Variants in MAGI1 observed in about 807,000 individuals in gnomAD.
The protein encoded by MAGI1 is membrane associated guanylate kinase, WW and PDZ domain containing 1.
A neutral mutation model predicts 139.9 loss-of-function variants in MAGI1; 58 were observed. That is an observed-to-expected ratio of 0.41 (90% CI 0.34 to 0.52). MAGI1 has a LOEUF of 0.52. Among genes scored for constraint, MAGI1 ranks in the 20% least tolerant of loss-of-function variants. The pLI is 0.12. For synonymous variants in MAGI1, 812 were observed against 737.9 expected (o/e 1.10, Z -1.63); for missense variants, 1,874 against 1,901.6 (o/e 0.99, Z 0.27).
intron 1 of MAGI1, among the ~76,000 whole-genome samples, chr3:65,936,374 A>C (rs540330703): frequency 1.1e-4 from 17 of 152,264 alleles, no homozygotes; most frequent in African/African-American, 4.1e-4. Context: ...GTAGTGGCTC[A>C]CGTCTATAAT....
At chr3:65,911,885 A>G (rs2061683849) in intron 1 of MAGI1, among the ~76,000 whole-genome samples, 1 of 152,124 alleles carries the variant, frequency 6.6e-6, no homozygotes, top group Non-Finnish European at 1.5e-5. Flanking sequence ...TCGTTACTGC[A>G]TTTCATTCCT....
chr3:65,402,631 T>C (rs1944999909), intron 12 of MAGI1, among the ~76,000 whole-genome samples: 1 of 152,116 alleles, frequency 6.6e-6, no homozygotes, highest in Admixed American at 6.5e-5. Context: ...AAGTGATTCC[T>C]AGGGAGTGTG....
chr3:65,680,034 TTC>T (rs146996108), intron 1 of MAGI1, among the ~76,000 whole-genome samples: 1 of 152,138 alleles, frequency 6.6e-6, no homozygotes, highest in African/African-American at 2.4e-5. Flanking sequence ...GAAAGATTAG[TTC>T]TCTCTCTCTT....
chr3:65,690,640 A>T (rs1481586868), intron 1 of MAGI1, among the ~76,000 whole-genome samples: 2 of 130,488 alleles, frequency 1.5e-5, no homozygotes, highest in South Asian at 2.5e-4. Flanking sequence ...TGTATTTTTA[A>T]TTTTTTTTTT....
intron 2 of MAGI1, among the ~76,000 whole-genome samples, chr3:65,611,261 A>T (rs1324172347): frequency 7.1e-6 from 1 of 141,794 alleles, no homozygotes. Flanking sequence ...ATACATATAT[A>T]GTATATATAC....
intron 1 of MAGI1, among the ~76,000 whole-genome samples, chr3:65,784,245 A>C (rs1418337992): frequency 6.6e-6 from 1 of 152,238 alleles, no homozygotes; most frequent in Non-Finnish European, 1.5e-5. Flanking sequence ...GTTCTTCAAA[A>C]AGCTAAACAT....
intron 5 of MAGI1, among the ~76,000 whole-genome samples, chr3:65,464,528 T>C (rs1016211243): frequency 8.6e-5 from 13 of 151,372 alleles, no homozygotes; most frequent in African/African-American, 3.2e-4. Flanking sequence ...GTATGTTGTT[T>C]AGTTTGCTTC....
chr3:65,640,486 C>G (rs1017613894), intron 1 of MAGI1, among the ~76,000 whole-genome samples: 1 of 152,148 alleles, frequency 6.6e-6, no homozygotes, highest in African/African-American at 2.4e-5. Context: ...CCTCAGGTGT[C>G]CTCCACCAAA....
At chr3:65,502,949 G>A (rs1559614256) in intron 2 of MAGI1, among the ~76,000 whole-genome samples, 2 of 152,088 alleles carry the variant, frequency 1.3e-5, no homozygotes, top group Admixed American at 6.6e-5. Context: ...GAGAGAGGGG[G>A]TAAAAATCCA....
At chr3:65,845,843 G>A (rs2058974509) in intron 1 of MAGI1, among the ~76,000 whole-genome samples, 1 of 152,158 alleles carries the variant, frequency 6.6e-6, no homozygotes, top group Non-Finnish European at 1.5e-5. Context: ...TTGCTGTTTT[G>A]CTTCCAGTAT....
chr3:65,854,943 C>T lies in MAGI1; in HGVS notation c.313+183053G>A, dbSNP rs542219192. Among the ~76,000 whole-genome samples, 5 of 152,340 alleles carry T rather than the reference C, an allele frequency of 3.3e-5. No individual in the cohort carries two copies. In the East Asian group the frequency reaches 5.8e-4, roughly 18 times the overall value. On this transcript the variant is annotated intron_variant, in intron 1 of 22. Transcript: ENST00000402939. ...CCTAATCAAGGGCTGCAAAGTCAAA[C>T]GTCTACAGGGACAAGGAAGGTAATA...
intron 2 of MAGI1, among the ~76,000 whole-genome samples, chr3:65,526,394 T>C (rs1431882921): frequency 6.6e-6 from 1 of 152,194 alleles, no homozygotes; most frequent in Non-Finnish European, 1.5e-5. Flanking sequence ...CCCACAAGCA[T>C]ACCTCTAGTA....
At chr3:65,625,665 C>T (rs1385816978) in intron 1 of MAGI1, among the ~76,000 whole-genome samples, 2 of 152,090 alleles carry the variant, frequency 1.3e-5, no homozygotes, top group East Asian at 1.9e-4. Flanking sequence ...GTTGAATGGA[C>T]GATTATTGAG....
chr3:65,913,475 T>G (rs2061758831), intron 1 of MAGI1, among the ~76,000 whole-genome samples: 2 of 152,074 alleles, frequency 1.3e-5, no homozygotes, highest in Non-Finnish European at 2.9e-5. Flanking sequence ...AACCCCAAAG[T>G]ATGGCCTGTA....
intron 1 of MAGI1, among the ~76,000 whole-genome samples, chr3:65,653,353 T>C (rs2085693636): frequency 6.6e-6 from 1 of 152,128 alleles, no homozygotes; most frequent in Non-Finnish European, 1.5e-5. Flanking sequence ...CCACCAGACA[T>C]AAAGCAATCT....
intron 2 of MAGI1, among the ~76,000 whole-genome samples, chr3:65,523,095 G>C (rs2078234462): frequency 6.6e-6 from 1 of 152,032 alleles, no homozygotes; most frequent in South Asian, 2.1e-4. Flanking sequence ...TATATTTCCT[G>C]GGTGCTAAAG....
intron 1 of MAGI1, among the ~76,000 whole-genome samples, chr3:65,908,877 T>A (rs746488654): frequency 1.3e-5 from 2 of 152,138 alleles, no homozygotes; most frequent in African/African-American, 2.4e-5. Context: ...TGCAACACAG[T>A]GGGGCAGACA....
chr3:65,495,862 G>C (rs1198922621), intron 2 of MAGI1, among the ~76,000 whole-genome samples: 1 of 152,022 alleles, frequency 6.6e-6, no homozygotes, highest in Non-Finnish European at 1.5e-5. Context: ...GATCTGGTGT[G>C]TTCAGGGAAG....
intron 5 of MAGI1, among the ~76,000 whole-genome samples, chr3:65,462,704 T>C (rs1469523524): frequency 6.6e-6 from 1 of 152,236 alleles, no homozygotes; most frequent in Non-Finnish European, 1.5e-5. Context: ...TAAATTACTT[T>C]GGGCAGTATG....
Sources: gnomAD v4.1 joint callset for allele counts (sites outside exome capture counted in the v4.1 genomes callset) on GRCh38, gnomAD v4.1.1 for gene constraint, MANE v1.5 for transcripts, NCBI Gene and HGNC (gene_info 2026-07-23, HGNC 2026-07-21) for gene names.